Variants in EXT1 observed in about 807,000 individuals in gnomAD.
EXT1 encodes exostosin-1.
A neutral mutation model predicts 82.5 loss-of-function variants in EXT1; 20 were observed. That is an observed-to-expected ratio of 0.24 (90% CI 0.17 to 0.35). The LOEUF (loss-of-function observed/expected upper bound fraction) is 0.35. Ranked by LOEUF, EXT1 falls within the 10% of genes least tolerant of loss-of-function variation. The pLI is 1.00. For missense variants in EXT1, 757 were observed against 936.5 expected (o/e 0.81, Z 2.50); for synonymous variants, 348 against 350.8 (o/e 0.99, Z 0.09).
At chr8:118,017,003 C>T (rs143169480) in intron 1 of EXT1, among the ~76,000 whole-genome samples, 10 of 152,226 alleles carry the variant, frequency 6.6e-5, no homozygotes, top group African/African-American at 2.4e-4. Flanking sequence ...ATGCATGGTA[C>T]GTGTATAAAA....
chr8:118,045,151 TC>T (rs1172605500), intron 1 of EXT1, among the ~76,000 whole-genome samples: 1 of 152,198 alleles, frequency 6.6e-6, no homozygotes, highest in East Asian at 1.9e-4. Flanking sequence ...TCATCTACCT[TC>T]TGTTTCTGAA....
chr8:117,894,520 C>T (rs1021261106), intron 1 of EXT1, among the ~76,000 whole-genome samples: 1 of 152,216 alleles, frequency 6.6e-6, no homozygotes, highest in Non-Finnish European at 1.5e-5. Flanking sequence ...AAACGACAGT[C>T]TTACTTGTAC....
chr8:117,851,616 G>GACACACACACACACACACACACAC lies in EXT1; in HGVS notation c.963-14439_963-14416dup, dbSNP rs35686154. On this transcript the variant is annotated intron_variant, in intron 1 of 10. Transcript: ENST00000378204. ...CTAAGAAAGCAGTGCAATTTAGCTGGACACACACACACACACACACACACA... is the reference window on the plus strand; with the variant it reads ...CTAAGAAAGCAGTGCAATTTAGCTGGACACACACACACACACACACACACACACACACACACACACACACACACA... Among the ~76,000 whole-genome samples, 20 of 148,012 alleles carry GACACACACACACACACACACACAC rather than the reference G, an allele frequency of 1.4e-4. No homozygotes were observed. In the East Asian group the frequency reaches 1.8e-3, roughly 14 times the overall value.
chr8:118,106,136 C>T (rs1432478002), intron 1 of EXT1, among the ~76,000 whole-genome samples: 1 of 152,180 alleles, frequency 6.6e-6, no homozygotes, highest in Non-Finnish European at 1.5e-5. Context: ...CCCCTGAAAC[C>T]ATATAACAAA....
At chr8:117,826,776 G>C (rs1334657030) in intron 4 of EXT1, among the ~76,000 whole-genome samples, 2 of 151,802 alleles carry the variant, frequency 1.3e-5, no homozygotes, top group Non-Finnish European at 2.9e-5. Context: ...ATGGTTTTTA[G>C]TGTTTAAAAA....
At chr8:117,825,559 T>C (rs531181248) in intron 4 of EXT1, among the ~76,000 whole-genome samples, 66 of 152,342 alleles carry the variant, frequency 4.3e-4, no homozygotes, top group African/African-American at 1.6e-3. Context: ...TTCTAATTGA[T>C]GTGAATTCAA....
chr8:118,093,742 G>A (rs943745104), intron 1 of EXT1, among the ~76,000 whole-genome samples: 24 of 152,350 alleles, frequency 1.6e-4, no homozygotes, highest in African/African-American at 5.8e-4. Context: ...CAATATGTCT[G>A]AATGCTCCCA....
intron 1 of EXT1, among the ~76,000 whole-genome samples, chr8:118,076,378 A>G (rs1433356109): frequency 1.3e-5 from 2 of 152,268 alleles, no homozygotes; most frequent in African/African-American, 2.4e-5. Context: ...GCTGGTTTGG[A>G]TGAATTTTAA....
At chr8:117,932,541 T>C (rs1368309100) in intron 1 of EXT1, among the ~76,000 whole-genome samples, 1 of 152,112 alleles carries the variant, frequency 6.6e-6, no homozygotes, top group South Asian at 2.1e-4. Context: ...AACATAAACA[T>C]AGTACTGCCC....
intron 1 of EXT1, among the ~76,000 whole-genome samples, chr8:118,083,363 C>T (rs551625085): frequency 6.6e-6 from 1 of 152,292 alleles, no homozygotes; most frequent in East Asian, 1.9e-4. Context: ...TCCATCGAGT[C>T]CCCATTGCTC....
In EXT1 at chr8:118,106,799, G is replaced by A. The variant is rs190137282; in HGVS notation, c.962+3286C>T. On this transcript the variant is annotated intron_variant, in intron 1 of 10. Coordinates refer to ENST00000378204, the MANE Select transcript of EXT1 (RefSeq NM_000127.3). ...AAAATACAAAGAATTTCTCTAAAGC[G>A]TCACTACAACTCATCTAATTACTGC... 3.1e-3 allele frequency among the ~76,000 whole-genome samples: 471 copies of A among 152,232 alleles called. 6 individuals are homozygous for A. The highest frequency in any genetic ancestry group is 7.1e-4 in the Non-Finnish European group (48 of 68,008).
intron 1 of EXT1, among the ~76,000 whole-genome samples, chr8:117,869,883 T>C (rs1796330062): frequency 6.6e-6 from 1 of 152,102 alleles, no homozygotes; most frequent in African/African-American, 2.4e-5. Flanking sequence ...TTTTAATAAA[T>C]GTAGTTCCAA....
intron 1 of EXT1, among the ~76,000 whole-genome samples, chr8:117,980,446 G>A (rs937086203): frequency 6.6e-6 from 1 of 152,100 alleles, no homozygotes; most frequent in African/African-American, 2.4e-5. Context: ...TCCAGTGATG[G>A]GGATCCTTTA....
chr8:118,107,308 G>A (rs998094588), intron 1 of EXT1, among the ~76,000 whole-genome samples: 1 of 152,090 alleles, frequency 6.6e-6, no homozygotes, highest in East Asian at 1.9e-4. Flanking sequence ...ATGGACACTT[G>A]CTAATAAGCT....
intron 1 of EXT1, among the ~76,000 whole-genome samples, chr8:117,889,761 A>C (rs1813209518): frequency 6.6e-6 from 1 of 152,204 alleles, no homozygotes; most frequent in Non-Finnish European, 1.5e-5. Flanking sequence ...CAATGGCACT[A>C]TATTATGGAA....
chr8:117,988,493 CCA>C (rs1815365451), intron 1 of EXT1, among the ~76,000 whole-genome samples: 1 of 152,122 alleles, frequency 6.6e-6, no homozygotes, highest in Admixed American at 6.5e-5. Context: ...GACGCTCAGA[CCA>C]CACTTTGAGA....
intron 1 of EXT1, among the ~76,000 whole-genome samples, chr8:117,894,942 G>A (rs1290518741): frequency 2.6e-5 from 4 of 152,226 alleles, no homozygotes; most frequent in African/African-American, 9.6e-5. Flanking sequence ...ATGTGGAAAT[G>A]TGTAGATATG....
At chr8:117,977,795 G>C (rs1187533866) in intron 1 of EXT1, among the ~76,000 whole-genome samples, 4 of 152,162 alleles carry the variant, frequency 2.6e-5, no homozygotes, top group Non-Finnish European at 4.4e-5. Context: ...CACTACCCAT[G>C]ACCAGTGGCC....
At chr8:118,107,333 T>A (rs1016778919) in intron 1 of EXT1, among the ~76,000 whole-genome samples, 4 of 152,152 alleles carry the variant, frequency 2.6e-5, no homozygotes, top group Non-Finnish European at 5.9e-5. Flanking sequence ...GGAAACTGAT[T>A]GTGTTTTTAC....
Sources: gnomAD v4.1 joint callset for allele counts (sites outside exome capture counted in the v4.1 genomes callset) on GRCh38, gnomAD v4.1.1 for gene constraint, MANE v1.5 for transcripts, NCBI Gene and HGNC (gene_info 2026-07-23, HGNC 2026-07-21) for gene names.